Variants in SERPINI2 observed in about 807,000 individuals in gnomAD.
The protein encoded by SERPINI2 is serpin I2.
In SERPINI2, 48 loss-of-function variants were observed where a neutral mutation model predicts 47.3. The observed-to-expected ratio is 1.02, with a 90% CI of 0.81 to 1.29. The LOEUF (loss-of-function observed/expected upper bound fraction) is 1.29, where lower values mean the gene tolerates loss of function less well. Among genes scored for constraint, SERPINI2 ranks in the 50% most tolerant of loss-of-function variants. The pLI is 0.00. For missense variants in SERPINI2, 448 were observed against 456.9 expected (o/e 0.98, Z 0.18); for synonymous variants, 135 against 149.3 (o/e 0.90, Z 0.70).
At chr3:167,452,826 T>C in intron 6 of SERPINI2, 110 bp downstream of exon 6, 1 of 606,238 alleles carries the variant, frequency 1.6e-6, no homozygotes, top group Non-Finnish European at 2.9e-6. Context: ...TTATTCACTG[T>C]GCGTATATTT....
At chr3:167,467,153 T>C (rs1164488429) in exon 3 of SERPINI2, 8 of 1,613,464 alleles carry the variant, frequency 5.0e-6, no homozygotes, top group African/African-American at 1.3e-5. Flanking sequence ...AAATTCCTTG[T>C]TGCCATGGAG....
chr3:167,465,659 T>A (rs1219342901), exon 4 of SERPINI2: 1 of 1,607,236 alleles, frequency 6.2e-7, no homozygotes, highest in African/African-American at 1.3e-5. Flanking sequence ...CCTGAAAACA[T>A]GTCTTTAATT....
chr3:167,452,912 T>C, intron 6 of SERPINI2, 24 bp downstream of exon 6: 1 of 1,410,812 alleles, frequency 7.1e-7, no homozygotes, highest in Non-Finnish European at 9.9e-7. Context: ...AACATCATAA[T>C]ATAAGAATTA....
At chr3:167,465,146 G>T in intron 5 of SERPINI2, 60 bp downstream of exon 5, 1 of 1,401,956 alleles carries the variant, frequency 7.1e-7, no homozygotes, top group Non-Finnish European at 9.8e-7. Flanking sequence ...TCAGCTGACT[G>T]CTCAAATTCC....
At chr3:167,465,797 T>C (rs1298161841) in intron 3 of SERPINI2, 124 bp from the exon 4 acceptor site, 2 of 696,838 alleles carry the variant, frequency 2.9e-6, no homozygotes, top group Admixed American at 3.3e-5. Context: ...CATGTTATCA[T>C]CTAAATATGG....
chr3:167,454,051 A>T (rs982504592), intron 5 of SERPINI2, among the ~76,000 whole-genome samples: 1 of 152,218 alleles, frequency 6.6e-6, no homozygotes, highest in Non-Finnish European at 1.5e-5. Context: ...ATTCCCAATG[A>T]GGGGCTTTGT....
At chr3:167,448,341 G>C (rs1353762986) in intron 7 of SERPINI2, among the ~76,000 whole-genome samples, 3 of 152,152 alleles carry the variant, frequency 2.0e-5, no homozygotes, top group African/African-American at 7.2e-5. Context: ...GCTGTTGTTG[G>C]TCTATGCACT....
At chr3:167,454,029 A>C (rs553580010) in intron 5 of SERPINI2, among the ~76,000 whole-genome samples, 2 of 152,342 alleles carry the variant, frequency 1.3e-5, no homozygotes, top group East Asian at 3.9e-4. Flanking sequence ...TACATCAGCA[A>C]AATTCCAGGC....
exon 8 of SERPINI2, chr3:167,446,475 T>C: frequency 6.3e-7 from 1 of 1,587,128 alleles, no homozygotes; most frequent in Non-Finnish European, 8.6e-7. Flanking sequence ...CACAGGGATG[T>C]GTATGCCTAT....
intron 5 of SERPINI2, among the ~76,000 whole-genome samples, chr3:167,461,924 A>T (rs756713167): frequency 6.6e-6 from 1 of 151,832 alleles, no homozygotes; most frequent in Non-Finnish European, 1.5e-5. Flanking sequence ...GCAACTATAG[A>T]TTCTTGTCAC....
At chr3:167,448,681 C>T (rs1749551242) in intron 7 of SERPINI2, among the ~76,000 whole-genome samples, 1 of 152,140 alleles carries the variant, frequency 6.6e-6, no homozygotes, top group Non-Finnish European at 1.5e-5. Flanking sequence ...CGCCACCACG[C>T]CCGGCTAATT....
exon 9 of SERPINI2, chr3:167,442,046 CGAT>C: frequency 1.6e-6 from 2 of 1,274,350 alleles, no homozygotes; most frequent in Non-Finnish European, 2.2e-6. Flanking sequence ...GTCAAGATGA[CGAT>C]ATTTTGCCAA....
chr3:167,471,820 G>A (rs1382673475), exon 2 of SERPINI2: 1 of 1,609,466 alleles, frequency 6.2e-7, no homozygotes. Flanking sequence ...GACTCCACAA[G>A]AAGATTGTGT....
chr3:167,476,559 G>C (rs1358378993), upstream of SERPINI2, among the ~76,000 whole-genome samples: 1 of 152,008 alleles, frequency 6.6e-6, no homozygotes, highest in Non-Finnish European at 1.5e-5. Flanking sequence ...GTATGAACCA[G>C]ACTATCTCAG....
Position 167,473,020 on chromosome 3 carries a change from T to G in SERPINI2, c.-11+983A>C, listed in dbSNP as rs948315143. Among the ~76,000 whole-genome samples the G allele has an allele frequency of 2.0e-5, 3 of 151,864 alleles. No individual in the cohort carries two copies. The East Asian group carries it at 5.8e-4, about 29-fold the overall frequency. On this transcript the variant is annotated intron_variant, in intron 1 of 8. Transcript: ENST00000264677. ...AGAGACTTACATTTCTAGAGTGTTT[T>G]GCAGATCATTAAGGGTACCATAAAT...
intron 2 of SERPINI2, chr3:167,469,702 A>G (rs1312610213): frequency 6.6e-6 from 1 of 152,186 alleles, no homozygotes; most frequent in African/African-American, 2.4e-5. Context: ...TTCAGAGCAG[A>G]TGTTTTGACA....
intron 1 of SERPINI2, 24 bp downstream of exon 1, chr3:167,473,979 G>A: frequency 1.7e-6 from 2 of 1,167,942 alleles, no homozygotes; most frequent in Non-Finnish European, 2.1e-6. Context: ...TTATTCAAAA[G>A]CTATTTATTT....
chr3:167,474,446 A>G (rs759900730), upstream of SERPINI2, among the ~76,000 whole-genome samples: 2 of 151,726 alleles, frequency 1.3e-5, no homozygotes, highest in Non-Finnish European at 3.0e-5. Context: ...AATAAAGCTA[A>G]ATCAAGTCCA....
At chr3:167,474,270 T>C (rs1388645736), upstream of SERPINI2, 2 of 378,104 alleles carry the variant, frequency 5.3e-6, no homozygotes, top group Non-Finnish European at 7.3e-6. Flanking sequence ...TATATTATTA[T>C]TTTATCCATT....
Sources: gnomAD v4.1 joint callset for allele counts (sites outside exome capture counted in the v4.1 genomes callset) on GRCh38, gnomAD v4.1.1 for gene constraint, MANE v1.5 for transcripts, NCBI Gene and HGNC (gene_info 2026-07-23, HGNC 2026-07-21) for gene names.